Variants in GDA observed in about 807,000 individuals in gnomAD.
GDA encodes the protein guanine deaminase.
In GDA, 18 loss-of-function variants were observed where a neutral mutation model predicts 59.6. The ratio of observed to expected loss-of-function variants is 0.30; its 90% confidence interval spans 0.21 to 0.45. The LOEUF (loss-of-function observed/expected upper bound fraction) is 0.45, where lower values mean the gene tolerates loss of function less well. Ranked by LOEUF, GDA falls within the 20% of genes least tolerant of loss-of-function variation. The pLI is 1.00. For synonymous variants in GDA, 201 were observed against 201.1 expected (o/e 1.00, Z 0.00); for missense variants, 427 against 552.3 (o/e 0.77, Z 2.27).
At chr9:72,215,827 A>C (rs915596364) in intron 5 of GDA, among the ~76,000 whole-genome samples, 3 of 152,362 alleles carry the variant, frequency 2.0e-5, no homozygotes, top group Non-Finnish European at 2.9e-5. Flanking sequence ...GAATCATAAA[A>C]AGTAAAGATG....
At chr9:72,190,667 T>C (rs1411952858) in intron 1 of GDA, among the ~76,000 whole-genome samples, 1 of 152,310 alleles carries the variant, frequency 6.6e-6, no homozygotes, top group African/African-American at 2.4e-5. Context: ...CCTTTTCTTC[T>C]TGAATTACTA....
At chr9:72,204,817 G>A (rs1016638481) in intron 3 of GDA, among the ~76,000 whole-genome samples, 6 of 152,034 alleles carry the variant, frequency 3.9e-5, no homozygotes, top group African/African-American at 1.2e-4. Flanking sequence ...ATGTCAGGCC[G>A]AGTGTGATGG....
chr9:72,194,232 G>T (rs4545160), intron 1 of GDA: 39,196 of 152,018 alleles, frequency 0.26, 5,551 homozygotes, highest in East Asian at 0.56. Context: ...CCACAGCTTG[G>T]GTGAATGTGC....
At chr9:72,204,127 A>C (rs932570479) in intron 3 of GDA, among the ~76,000 whole-genome samples, 1 of 152,122 alleles carries the variant, frequency 6.6e-6, no homozygotes, top group Non-Finnish European at 1.5e-5. Context: ...GCAAGTGCTA[A>C]CATTTATACA....
At chr9:72,201,148 T>G (rs1257326657) in intron 2 of GDA, among the ~76,000 whole-genome samples, 1 of 152,072 alleles carries the variant, frequency 6.6e-6, no homozygotes, top group African/African-American at 2.4e-5. Flanking sequence ...CCTATGATGC[T>G]ACTACTATCT....
intron 1 of GDA, among the ~76,000 whole-genome samples, chr9:72,139,978 T>A (rs965440409): frequency 2.0e-5 from 3 of 152,144 alleles, no homozygotes; most frequent in African/African-American, 7.2e-5. Context: ...AACCTGCTGT[T>A]TTTGCTGCCC....
rs7030138 is a variant in GDA, at chr9:72,212,210, C to T, written c.472+1436C>T. 2.8e-3 allele frequency among the ~76,000 whole-genome samples: 422 copies of T among 152,210 alleles called. 3 individuals carry two copies. The highest frequency in any genetic ancestry group is 9.0e-3 in the African/African-American group (373 of 41,520). ...CAGTTAAGAATAGTATGGCCAGGCG[C>T]GGTGGTTAATGCCTGTAATCCTGGC... On this transcript the variant is annotated intron_variant, in intron 4 of 13. Transcript: ENST00000358399.
chr9:72,143,799 A>G (rs1826527111), intron 1 of GDA, among the ~76,000 whole-genome samples: 2 of 152,222 alleles, frequency 1.3e-5, no homozygotes, highest in Admixed American at 6.5e-5. Context: ...GAACTTTTCT[A>G]AACAAACCAC....
intron 1 of GDA, among the ~76,000 whole-genome samples, chr9:72,160,020 C>T (rs140554727): frequency 0.013 from 1,977 of 152,218 alleles, 20 homozygotes; most frequent in Admixed American, 0.022. Context: ...TATTCATCAG[C>T]CGGGCGCGGT....
chr9:72,186,063 A>G lies in GDA; in HGVS notation c.124-9437A>G, dbSNP rs893147949. Among the ~76,000 whole-genome samples the G allele has an allele frequency of 3.5e-4, 53 of 152,118 alleles. 2 individuals are homozygous for G. The highest frequency in any genetic ancestry group is 7.4e-5 in the Non-Finnish European group (5 of 68,008). ...ACCTAGAGTGTGGCCTGTGAAGGGG[A>G]AGACCAATTGGCCATGGTGGGTACC... On this transcript the variant is annotated intron_variant, in intron 1 of 13. Coordinates refer to ENST00000358399, the MANE Select transcript of GDA (RefSeq NM_004293.5).
chr9:72,217,315 T>A (rs1836256384), intron 5 of GDA, among the ~76,000 whole-genome samples: 1 of 152,190 alleles, frequency 6.6e-6, no homozygotes, highest in African/African-American at 2.4e-5. Context: ...AGACTCCAGC[T>A]CTCTGTGATT....
intron 8 of GDA, 33 bp from the exon 9 acceptor site, chr9:72,227,910 G>A (rs778734702): frequency 7.1e-6 from 8 of 1,131,474 alleles, no homozygotes; most frequent in Admixed American, 3.5e-5. Flanking sequence ...ATTTGTGAGC[G>A]GTAAACTCCA....
chr9:72,221,545 A>C (rs1836874099), intron 6 of GDA, among the ~76,000 whole-genome samples: 1 of 152,220 alleles, frequency 6.6e-6, no homozygotes, highest in Non-Finnish European at 1.5e-5. Flanking sequence ...CATGATATCC[A>C]TAGTTTCCTT....
chr9:72,230,402 G>A (rs933357811), intron 9 of GDA, among the ~76,000 whole-genome samples: 4 of 151,194 alleles, frequency 2.6e-5, no homozygotes, highest in Non-Finnish European at 5.9e-5. Context: ...TAGGAGAATC[G>A]CTTGAACCTA....
intron 1 of GDA, among the ~76,000 whole-genome samples, chr9:72,163,310 A>T (rs1828882137): frequency 6.6e-6 from 1 of 152,152 alleles, no homozygotes; most frequent in South Asian, 2.1e-4. Flanking sequence ...GGGAAGAAAA[A>T]TTGCAATTTG....
chr9:72,183,049 TTTTCC>T (rs1027178110), intron 1 of GDA, among the ~76,000 whole-genome samples: 6 of 152,152 alleles, frequency 3.9e-5, no homozygotes, highest in African/African-American at 1.4e-4. Flanking sequence ...TCATCTTGTA[TTTTCC>T]TTACCAGAGC....
At chr9:72,245,798 T>C (rs1429703849) in intron 12 of GDA, among the ~76,000 whole-genome samples, 1 of 152,210 alleles carries the variant, frequency 6.6e-6, no homozygotes, top group African/African-American at 2.4e-5. Context: ...GCTATGTCAA[T>C]GTTTTTAATT....
chr9:72,169,560 C>G (rs541553083), intron 1 of GDA, among the ~76,000 whole-genome samples: 80 of 152,322 alleles, frequency 5.3e-4, no homozygotes, highest in African/African-American at 1.9e-3. Context: ...CATGTCCACT[C>G]TAATTTCTTT....
intron 1 of GDA, among the ~76,000 whole-genome samples, chr9:72,123,679 A>T (rs1028192372): frequency 1.3e-5 from 2 of 149,636 alleles, no homozygotes; most frequent in Admixed American, 6.7e-5. Context: ...TAGAGACAGG[A>T]TTTCTCCATG....
Sources: gnomAD v4.1 joint callset for allele counts (sites outside exome capture counted in the v4.1 genomes callset) on GRCh38, gnomAD v4.1.1 for gene constraint, MANE v1.5 for transcripts, NCBI Gene and HGNC (gene_info 2026-07-23, HGNC 2026-07-21) for gene names.